SUMF1: variants seen among roughly 807,000 people sequenced by gnomAD.
The protein encoded by SUMF1 is formylglycine-generating enzyme.
In SUMF1, 48 loss-of-function variants were observed where a neutral mutation model predicts 47.6. The observed-to-expected ratio is 1.01, with a 90% CI of 0.80 to 1.28. SUMF1 has a LOEUF of 1.28. Among genes scored for constraint, SUMF1 ranks in the 50% most tolerant of loss-of-function variants. SUMF1 has a pLI of 0.00. For synonymous variants in SUMF1, 230 were observed against 192.1 expected (o/e 1.20, Z -1.63); for missense variants, 571 against 485.4 (o/e 1.18, Z -1.66).
chr3:4,443,351 T>A (rs1346639681), intron 3 of SUMF1, among the ~76,000 whole-genome samples: 3 of 150,858 alleles, frequency 2.0e-5, no homozygotes, highest in Non-Finnish European at 4.4e-5. Flanking sequence ...TAAATCAGAA[T>A]CCACAAACTC....
chr3:4,187,684 G>A (rs1170351970), intron 8 of SUMF1, among the ~76,000 whole-genome samples: 1 of 152,138 alleles, frequency 6.6e-6, no homozygotes, highest in Non-Finnish European at 1.5e-5. Flanking sequence ...CTAACTACAG[G>A]TAGTATGTTA....
At chr3:4,248,247 G>T (rs138482573) in intron 8 of SUMF1, among the ~76,000 whole-genome samples, 1 of 152,074 alleles carries the variant, frequency 6.6e-6, no homozygotes. Flanking sequence ...TCAACATTCA[G>T]AATAGACTGT....
At chr3:4,288,914 C>A (rs1697688354) in intron 8 of SUMF1, among the ~76,000 whole-genome samples, 1 of 152,196 alleles carries the variant, frequency 6.6e-6, no homozygotes, top group Admixed American at 6.5e-5. Context: ...TCTTAAACTT[C>A]CTTATTATTT....
chr3:4,383,821 G>C (rs931886484), intron 7 of SUMF1, among the ~76,000 whole-genome samples: 1 of 152,186 alleles, frequency 6.6e-6, no homozygotes, highest in Non-Finnish European at 1.5e-5. Context: ...CTCTGACACA[G>C]AAACTTCATG....
chr3:4,466,401 C>T (rs1248852771), intron 1 of SUMF1, among the ~76,000 whole-genome samples: 2 of 152,208 alleles, frequency 1.3e-5, no homozygotes, highest in Admixed American at 1.3e-4. Flanking sequence ...TGTGAGCCAC[C>T]GCGCCCGGCC....
At chr3:4,362,337 C>T in intron 8 of SUMF1, 83 bp from the exon 9 acceptor site, 1 of 1,145,862 alleles carries the variant, frequency 8.7e-7, no homozygotes. Flanking sequence ...ATTGCACCGG[C>T]TGTAGACAGT....
chr3:4,316,501 A>T (rs573824448), intron 8 of SUMF1: 1 of 1,598,532 alleles, frequency 6.3e-7, no homozygotes, highest in Non-Finnish European at 8.5e-7. Context: ...GAAGAACTCA[A>T]TGTCAACCAT....
chr3:4,343,188 G>A (rs903472673), intron 8 of SUMF1, among the ~76,000 whole-genome samples: 1 of 152,170 alleles, frequency 6.6e-6, no homozygotes, highest in African/African-American at 2.4e-5. Flanking sequence ...TGATGAGACT[G>A]GATAATACAT....
At position 4,388,703 on chromosome 3, in the gene SUMF1, A is replaced by C. The variant is rs7653184; in HGVS notation, c.955-12314T>G. ...TAAAAAAGAATTCCATTTTTATGTAACTATTGTGCTTTTGAGCATACCTCT... is the reference window on the plus strand; with the variant it reads ...TAAAAAAGAATTCCATTTTTATGTACCTATTGTGCTTTTGAGCATACCTCT... On this transcript the variant is annotated intron_variant, in intron 7 of 8. Transcript: ENST00000272902. 3.3e-3 allele frequency among the ~76,000 whole-genome samples: 501 copies of C among 152,038 alleles called. 3 individuals carry two copies. The highest frequency in any genetic ancestry group is 0.01 in the Middle Eastern group (3 of 294).
chr3:4,313,896 T>C, intron 8 of SUMF1: 1 of 1,440,140 alleles, frequency 6.9e-7, no homozygotes, highest in Non-Finnish European at 9.3e-7. Flanking sequence ...ATCAGTATCC[T>C]TTCCCCTTTC....
intron 8 of SUMF1, among the ~76,000 whole-genome samples, chr3:4,290,820 T>G (rs889933080): frequency 1.3e-5 from 2 of 152,186 alleles, no homozygotes; most frequent in African/African-American, 4.8e-5. Context: ...ATACCTACTC[T>G]CATCAATAGC....
At chr3:4,381,947 G>A (rs1322415230) in intron 7 of SUMF1, among the ~76,000 whole-genome samples, 5 of 152,178 alleles carry the variant, frequency 3.3e-5, no homozygotes, top group East Asian at 1.9e-4. Context: ...TCAAGAGGCC[G>A]AGGCAGGAGA....
intron 8 of SUMF1, among the ~76,000 whole-genome samples, chr3:4,253,898 G>C (rs1158410436): frequency 1.3e-5 from 2 of 149,986 alleles, no homozygotes; most frequent in Non-Finnish European, 3.0e-5. Flanking sequence ...GGTTCTCCCA[G>C]CACGCAGCTG....
intron 8 of SUMF1, among the ~76,000 whole-genome samples, chr3:4,229,543 A>G (rs1696251356): frequency 6.6e-6 from 1 of 152,196 alleles, no homozygotes; most frequent in Admixed American, 6.5e-5. Context: ...TGAGGACTAC[A>G]TGAAATAATT....
At chr3:4,447,390 C>G (rs1353177152) in intron 3 of SUMF1, among the ~76,000 whole-genome samples, 2 of 152,070 alleles carry the variant, frequency 1.3e-5, no homozygotes, top group Non-Finnish European at 2.9e-5. Flanking sequence ...CTCAAACTTG[C>G]AAGATTCAGG....
Position 4,238,528 on chromosome 3 carries a change from T to C in SUMF1, c.1014+137802A>G, listed in dbSNP as rs142036978. 2.9e-3 allele frequency among the ~76,000 whole-genome samples: 437 copies of C among 152,356 alleles called. 4 individuals carry two copies. Among genetic ancestry groups the C allele is most frequent in the African/African-American group, 0.01 (425 of 41,584 alleles). On this transcript the variant is annotated intron_variant and NMD_transcript_variant, in intron 8 of 12. Transcript: ENST00000448413. Reference sequence around the variant, plus strand: ...TAATTTGCATTTCTCTAACGACCAGTGACGATGAGTTTTTCATATGTCTGT... The same window carrying C: ...TAATTTGCATTTCTCTAACGACCAGCGACGATGAGTTTTTCATATGTCTGT...
chr3:4,374,636 T>A (rs1370992952), intron 8 of SUMF1, among the ~76,000 whole-genome samples: 1 of 152,178 alleles, frequency 6.6e-6, no homozygotes, highest in Non-Finnish European at 1.5e-5. Flanking sequence ...TTTAGAAAAG[T>A]GCCATATGCC....
chr3:4,246,679 C>T lies in SUMF1; in HGVS notation c.1014+129651G>A, dbSNP rs1187634275. Among the ~76,000 whole-genome samples, 3 of 152,148 alleles carry T rather than the reference C, an allele frequency of 2.0e-5. No individual in the cohort carries two copies. The East Asian group carries it at 5.8e-4, about 29-fold the overall frequency. ...CATCCCAAAGTGCTGGGATTACAGG[C>T]GTGAGCTACCGCACCCAGCCTTTTT... On this transcript the variant is annotated intron_variant and NMD_transcript_variant, in intron 8 of 12. Transcript: ENST00000448413.
intron 8 of SUMF1, among the ~76,000 whole-genome samples, chr3:4,369,741 G>C (rs953257165): frequency 3.9e-5 from 6 of 152,140 alleles, no homozygotes; most frequent in Non-Finnish European, 2.9e-5. Context: ...TCTGATTCAG[G>C]AAGTCTAGTA....
Sources: gnomAD v4.1 joint callset for allele counts (sites outside exome capture counted in the v4.1 genomes callset) on GRCh38, gnomAD v4.1.1 for gene constraint, MANE v1.5 for transcripts, NCBI Gene and HGNC (gene_info 2026-07-23, HGNC 2026-07-21) for gene names.